ERICH1: variants seen among roughly 807,000 people sequenced by gnomAD.
ERICH1 encodes glutamate rich 1, also known as glutamate-rich protein 1.
ERICH1 carries 56 observed loss-of-function variants against 39.6 expected under a neutral mutation model. That is an observed-to-expected ratio of 1.41 (90% CI 1.14 to 1.77). The LOEUF is 1.77. Among genes scored for constraint, ERICH1 ranks in the 40% most tolerant of loss-of-function variants. The pLI, the probability that ERICH1 is intolerant of heterozygous loss-of-function variation, is 0.00. For missense variants in ERICH1, 826 were observed against 575.4 expected (o/e 1.44, Z -4.45); for synonymous variants, 313 against 223.6 (o/e 1.40, Z -3.57).
intron 3 of ERICH1, among the ~76,000 whole-genome samples, chr8:650,540 A>T (rs1204202719): frequency 1.3e-5 from 2 of 152,170 alleles, no homozygotes; most frequent in East Asian, 3.9e-4. Flanking sequence ...CGGTGGCTGC[A>T]GGTACCCCCG....
intron 3 of ERICH1, among the ~76,000 whole-genome samples, chr8:628,540 G>T (rs1298894346): frequency 1.3e-5 from 2 of 152,242 alleles, no homozygotes; most frequent in African/African-American, 4.8e-5. Context: ...ACCCCAAGGG[G>T]CTGGGAGGGG....
chr8:656,789 C>T (rs918377479), intron 3 of ERICH1: 2 of 985,342 alleles, frequency 2.0e-6, no homozygotes, highest in African/African-American at 3.5e-5. Context: ...AGCAGTGGTT[C>T]CCAGACTCCC....
At chr8:712,028 C>G (rs1193411943) in intron 2 of ERICH1, among the ~76,000 whole-genome samples, 1 of 152,212 alleles carries the variant, frequency 6.6e-6, no homozygotes, top group African/African-American at 2.4e-5. Context: ...CAAAAATACG[C>G]TGTCTTGATT....
chr8:729,372 C>T (rs548751470), intron 1 of ERICH1, among the ~76,000 whole-genome samples: 1 of 152,188 alleles, frequency 6.6e-6, no homozygotes, highest in Non-Finnish European at 1.5e-5. Flanking sequence ...CAAGGGGACA[C>T]GCCAAGCTCC....
At chr8:617,758 C>T (rs1412966348) in intron 3 of ERICH1, among the ~76,000 whole-genome samples, 4 of 150,926 alleles carry the variant, frequency 2.7e-5, no homozygotes, top group African/African-American at 9.8e-5. Flanking sequence ...TCTGTCCTCA[C>T]TGTCCTCTGC....
At chr8:617,287 G>T (rs964771806) in intron 3 of ERICH1, among the ~76,000 whole-genome samples, 13 of 152,152 alleles carry the variant, frequency 8.5e-5, no homozygotes, top group Admixed American at 3.9e-4. Flanking sequence ...GTTCCTGGTG[G>T]TTCAGGGCAG....
chr8:730,703 G>A (rs940203180), intron 1 of ERICH1, among the ~76,000 whole-genome samples: 8 of 152,240 alleles, frequency 5.3e-5, no homozygotes, highest in African/African-American at 1.9e-4. Flanking sequence ...TCTCTCAGAT[G>A]AGGACACAGT....
chr8:672,880 T>A (rs1020565), intron 4 of ERICH1, among the ~76,000 whole-genome samples: 46,113 of 152,238 alleles, frequency 0.3, 7,420 homozygotes, highest in South Asian at 0.45. Flanking sequence ...TCAGTCTGCT[T>A]ATGAAGGTGA....
At chr8:688,312 C>G (rs1348365900) in intron 3 of ERICH1, among the ~76,000 whole-genome samples, 2 of 142,066 alleles carry the variant, frequency 1.4e-5, no homozygotes, top group Non-Finnish European at 3.0e-5. Flanking sequence ...CGCCCCGCCC[C>G]GGGCCACCCC....
At chr8:717,137 A>G (rs915461539) in intron 1 of ERICH1, among the ~76,000 whole-genome samples, 1 of 152,178 alleles carries the variant, frequency 6.6e-6, no homozygotes, top group African/African-American at 2.4e-5. Flanking sequence ...CGCGGCTCCC[A>G]GAGAGTGAGC....
intron 1 of ERICH1, among the ~76,000 whole-genome samples, chr8:730,893 C>T (rs1368016783): frequency 1.4e-4 from 21 of 152,218 alleles, no homozygotes; most frequent in South Asian, 2.1e-4. Flanking sequence ...GGACCCCAGA[C>T]ACCAGGTGGG....
At chr8:615,091 G>C in exon 4 of ERICH1, 5 of 593,950 alleles carry the variant, frequency 8.4e-6, no homozygotes, top group Non-Finnish European at 8.9e-6. Flanking sequence ...CTCAGCTCTC[G>C]TCAGCCTTGC....
At chr8:651,406 C>A (rs368039384) in intron 3 of ERICH1, among the ~76,000 whole-genome samples, 1 of 152,204 alleles carries the variant, frequency 6.6e-6, no homozygotes, top group Non-Finnish European at 1.5e-5. Context: ...AGCAGCTGAT[C>A]CCAGCTCCGG....
chr8:619,395 T>A lies in ERICH1; in HGVS notation c.977-4111A>T, dbSNP rs188818082. Among the ~76,000 whole-genome samples the A allele has an allele frequency of 2.2e-3, 330 of 152,326 alleles. 1 individual carries two copies. The highest frequency in any genetic ancestry group is 3.5e-3 in the Non-Finnish European group (240 of 68,030). ...TTCTTCTTTCTTCTCAACTTATTTT[T>A]AAAATGCTTACATAAAAGAATATGT... is the stretch of plus-strand genomic sequence containing the variant. On this transcript the variant is annotated intron_variant, in intron 3 of 3. Transcript: ENST00000522706.
chr8:640,987 G>C (rs530598084), intron 3 of ERICH1: 1 of 152,176 alleles, frequency 6.6e-6, no homozygotes, highest in Non-Finnish European at 1.5e-5. Flanking sequence ...GGATAGTTCA[G>C]CTCACTTTTC....
intron 3 of ERICH1, chr8:626,939 C>A: frequency 2.8e-6 from 1 of 351,696 alleles, no homozygotes; most frequent in South Asian, 2.1e-5. Context: ...CAGCTGGGAC[C>A]CTCTGGAACC....
chr8:689,769 C>A (rs1808487134), intron 3 of ERICH1, among the ~76,000 whole-genome samples: 1 of 152,216 alleles, frequency 6.6e-6, no homozygotes, highest in South Asian at 2.1e-4. Context: ...GTAATGCGGT[C>A]TACACAGGAG....
At chr8:720,340 T>C (rs1163843461) in intron 1 of ERICH1, among the ~76,000 whole-genome samples, 2 of 152,050 alleles carry the variant, frequency 1.3e-5, no homozygotes, top group African/African-American at 4.8e-5. Context: ...GTACCCACGA[T>C]GAAGGACGAG....
intron 1 of ERICH1, among the ~76,000 whole-genome samples, chr8:726,893 A>C (rs1246846258): frequency 1.3e-5 from 1 of 77,700 alleles, no homozygotes; most frequent in Non-Finnish European, 2.8e-5. Context: ...GTACACACAC[A>C]TCCCAGACAT....
Sources: allele counts gnomAD v4.1 joint callset (sites outside exome capture counted in the v4.1 genomes callset), GRCh38; gene constraint gnomAD v4.1.1; transcripts MANE v1.5; gene names NCBI Gene and HGNC (gene_info 2026-07-23, HGNC 2026-07-21).